CNTN4: variants seen among roughly 807,000 people sequenced by gnomAD.
CNTN4 encodes the protein contactin-4.
CNTN4 carries 77 observed loss-of-function variants against 122.5 expected under a neutral mutation model. The observed-to-expected ratio is 0.63, with a 90% CI of 0.52 to 0.76. CNTN4 has a LOEUF of 0.76. CNTN4 is among the 30% of genes least tolerant of loss of function. The pLI is 0.00. For synonymous variants in CNTN4, 512 were observed against 447.0 expected, an observed-to-expected ratio of 1.15 and a Z score of -1.83; for missense variants, 1,256 against 1,259.1, an observed-to-expected ratio of 1.00 and a Z score of 0.04.
At chr3:2,549,083 G>A (rs1021436922) in intron 3 of CNTN4, among the ~76,000 whole-genome samples, 3 of 151,956 alleles carry the variant, frequency 2.0e-5, no homozygotes, top group Non-Finnish European at 4.4e-5. Flanking sequence ...GAGCTGAGAC[G>A]TTGGGGTTTC....
intron 3 of CNTN4, among the ~76,000 whole-genome samples, chr3:2,420,827 T>C (rs1281767365): frequency 6.6e-6 from 1 of 152,190 alleles, no homozygotes; most frequent in Admixed American, 6.5e-5. Context: ...AATACTTGTT[T>C]TAGAGTCTGC....
At position 2,883,741 on chromosome 3, in the gene CNTN4, G is replaced by A. The variant is rs73112787; in HGVS notation, c.755+494G>A. Among the ~76,000 whole-genome samples the A allele has an allele frequency of 1.3e-3, 203 of 152,286 alleles. 1 individual carries two copies. Among genetic ancestry groups the A allele is most frequent in the African/African-American group, 4.7e-3 (196 of 41,556 alleles). ...TGGCTAGAGATAGGTAAGACGTGTTGTTCTCTAAGAGAGTCTGTTTTACAA... is the reference window on the plus strand; with the variant it reads ...TGGCTAGAGATAGGTAAGACGTGTTATTCTCTAAGAGAGTCTGTTTTACAA... On this transcript the variant is annotated intron_variant, in intron 9 of 24. Coordinates refer to ENST00000418658, the MANE Select transcript of CNTN4 (RefSeq NM_175607.3).
intron 2 of CNTN4, among the ~76,000 whole-genome samples, chr3:2,257,370 T>C (rs775703963): frequency 6.6e-6 from 1 of 152,158 alleles, no homozygotes; most frequent in Non-Finnish European, 1.5e-5. Flanking sequence ...ATCTAGGACA[T>C]AGGCATGGGC....
intron 3 of CNTN4, among the ~76,000 whole-genome samples, chr3:2,564,791 G>A (rs1228194220): frequency 6.6e-6 from 1 of 152,040 alleles, no homozygotes; most frequent in African/African-American, 2.4e-5. Context: ...TTTTCTATAA[G>A]GGGAAAGTAT....
chr3:2,985,321 A>T (rs957528892), intron 13 of CNTN4: 7 of 152,366 alleles, frequency 4.6e-5, no homozygotes, highest in Non-Finnish European at 8.8e-5. Context: ...GATGTGATTT[A>T]ACAGAGTAAT....
At chr3:3,023,499 AG>A (rs989074831) in intron 14 of CNTN4, among the ~76,000 whole-genome samples, 1 of 152,238 alleles carries the variant, frequency 6.6e-6, no homozygotes, top group African/African-American at 2.4e-5. Context: ...AATGTCATTC[AG>A]AAACGTGAGC....
At chr3:2,821,078 C>A (rs192951372) in intron 7 of CNTN4, among the ~76,000 whole-genome samples, 1 of 149,828 alleles carries the variant, frequency 6.7e-6, no homozygotes, top group African/African-American at 2.5e-5. Flanking sequence ...TCTCATGCCT[C>A]AGCCTTCCGA....
chr3:2,656,774 C>G (rs2083608598), intron 4 of CNTN4, among the ~76,000 whole-genome samples: 1 of 152,184 alleles, frequency 6.6e-6, no homozygotes, highest in Non-Finnish European at 1.5e-5. Context: ...TGGAGGTGGT[C>G]TTTAGACCCC....
At chr3:2,211,155 C>T (rs1227350269) in intron 2 of CNTN4, among the ~76,000 whole-genome samples, 2 of 152,140 alleles carry the variant, frequency 1.3e-5, no homozygotes, top group African/African-American at 2.4e-5. Flanking sequence ...AAAGTAGGAG[C>T]AGGCACATCA....
chr3:2,854,233 TAATGA>T (rs2093592173), intron 7 of CNTN4, among the ~76,000 whole-genome samples: 2 of 150,692 alleles, frequency 1.3e-5, no homozygotes, highest in African/African-American at 4.9e-5. Flanking sequence ...TCTTGGGCCA[TAATGA>T]AAACTGGCAT....
intron 2 of CNTN4, among the ~76,000 whole-genome samples, chr3:2,294,540 A>G (rs1337901457): frequency 6.6e-6 from 1 of 152,150 alleles, no homozygotes; most frequent in Non-Finnish European, 1.5e-5. Context: ...CTGAGATGGG[A>G]GGATCGCTTG....
chr3:2,337,639 C>T (rs565685186), intron 2 of CNTN4, among the ~76,000 whole-genome samples: 6 of 151,978 alleles, frequency 3.9e-5, no homozygotes, highest in Middle Eastern at 3.4e-3. Context: ...AAATTTATCC[C>T]GGAGCTTATG....
At chr3:2,382,931 T>A (rs967795130) in intron 3 of CNTN4, among the ~76,000 whole-genome samples, 2 of 151,910 alleles carry the variant, frequency 1.3e-5, no homozygotes, top group African/African-American at 4.8e-5. Flanking sequence ...AAAAATTAGC[T>A]GGGCATGGTG....
At chr3:2,208,209 C>T (rs1049545918) in intron 2 of CNTN4, among the ~76,000 whole-genome samples, 4 of 152,052 alleles carry the variant, frequency 2.6e-5, no homozygotes, top group African/African-American at 9.7e-5. Flanking sequence ...ATTTTCTATG[C>T]CATAAAGAAC....
intron 3 of CNTN4, among the ~76,000 whole-genome samples, chr3:2,418,149 A>G (rs1575588823): frequency 6.6e-6 from 1 of 152,280 alleles, no homozygotes; most frequent in Non-Finnish European, 1.5e-5. Flanking sequence ...TCTGGGTGAT[A>G]ATGATATGTC....
rs566161056 is a variant in CNTN4 at position 2,930,626 on chromosome 3, G to A, written c.1358+4847G>A. Among the ~76,000 whole-genome samples, 204 of 152,270 alleles carry A rather than the reference G, an allele frequency of 1.3e-3. 2 individuals carry two copies. The highest frequency in any genetic ancestry group is 4.3e-3 in the African/African-American group (180 of 41,534). On this transcript the variant is annotated intron_variant, in intron 13 of 24. Coordinates refer to ENST00000418658, the MANE Select transcript of CNTN4 (RefSeq NM_175607.3). ...ATTATGTCAAGCAAATGGATAATAA[G>A]CAGGTATAGGTACGCCACTGAATTT...
chr3:2,546,139 G>A (rs191365263), intron 3 of CNTN4, among the ~76,000 whole-genome samples: 2 of 152,092 alleles, frequency 1.3e-5, no homozygotes, highest in East Asian at 1.9e-4. Flanking sequence ...AACAGAATTA[G>A]CATTTGACTC....
At chr3:2,779,824 C>G (rs2091495924) in intron 6 of CNTN4, among the ~76,000 whole-genome samples, 1 of 152,086 alleles carries the variant, frequency 6.6e-6, no homozygotes, top group African/African-American at 2.4e-5. Flanking sequence ...GGGGAAAATT[C>G]TTAGGATATC....
intron 11 of CNTN4, among the ~76,000 whole-genome samples, chr3:2,901,528 A>C (rs1164821933): frequency 6.6e-6 from 1 of 152,178 alleles, no homozygotes; most frequent in Non-Finnish European, 1.5e-5. Context: ...CAGCTTGTCC[A>C]TGATTCTGTC....
Sources: allele counts gnomAD v4.1 joint callset (sites outside exome capture counted in the v4.1 genomes callset), GRCh38; gene constraint gnomAD v4.1.1; transcripts MANE v1.5; gene names NCBI Gene and HGNC (gene_info 2026-07-23, HGNC 2026-07-21).